The following SRBD1 variants were observed in gnomAD, a reference collection of about 807,000 sequenced individuals.
SRBD1 encodes the protein S1 RNA-binding domain-containing protein 1.
In SRBD1, 88 loss-of-function variants were observed where a neutral mutation model predicts 115.3. The ratio of observed to expected loss-of-function variants is 0.76; its 90% confidence interval spans 0.64 to 0.91. The LOEUF (loss-of-function observed/expected upper bound fraction) is 0.91. Among genes scored for constraint, SRBD1 ranks in the 40% least tolerant of loss-of-function variants. The probability of loss-of-function intolerance (pLI) is 0.00; values close to 1 mark genes in which losing one functional copy is unlikely to be tolerated. For missense variants in SRBD1, 1,385 were observed against 1,177.4 expected, an observed-to-expected ratio of 1.18 and a Z score of -2.58; for synonymous variants, 509 against 407.7, an observed-to-expected ratio of 1.25 and a Z score of -2.99.
intron 10 of SRBD1, among the ~76,000 whole-genome samples, chr2:45,555,029 C>T (rs1009456138): frequency 2.0e-5 from 3 of 151,364 alleles, no homozygotes; most frequent in African/African-American, 7.3e-5. Context: ...GATTTTATCC[C>T]CCTTACCCCA....
At chr2:45,587,960 A>T (rs1452492627) in intron 4 of SRBD1, among the ~76,000 whole-genome samples, 2 of 152,178 alleles carry the variant, frequency 1.3e-5, no homozygotes, top group Non-Finnish European at 1.5e-5. Flanking sequence ...ACTGAGTCTA[A>T]CTCTTCCAAC....
intron 16 of SRBD1, among the ~76,000 whole-genome samples, chr2:45,456,304 G>T (rs917155285): frequency 4.6e-5 from 7 of 151,816 alleles, no homozygotes; most frequent in African/African-American, 1.7e-4. Context: ...TCTGCTGACC[G>T]AGGTGAGAGA....
intron 16 of SRBD1, 53 bp downstream of exon 16, chr2:45,476,940 A>T: frequency 1.3e-6 from 2 of 1,515,470 alleles, no homozygotes; most frequent in Non-Finnish European, 1.8e-6. Context: ...AGGTTTGAGT[A>T]CTGCTCCTTG....
At chr2:45,525,388 C>T (rs1671409650) in intron 14 of SRBD1, among the ~76,000 whole-genome samples, 1 of 151,918 alleles carries the variant, frequency 6.6e-6, no homozygotes, top group African/African-American at 2.4e-5. Flanking sequence ...GCAAATCATA[C>T]ACTTGGATAA....
At chr2:45,475,286 G>T (rs1199981283) in intron 16 of SRBD1, among the ~76,000 whole-genome samples, 1 of 152,026 alleles carries the variant, frequency 6.6e-6, no homozygotes, top group East Asian at 1.9e-4. Flanking sequence ...CATTAACTTT[G>T]TCCAAGCACT....
At chr2:45,560,358 A>G (rs944884082) in intron 10 of SRBD1, among the ~76,000 whole-genome samples, 4 of 152,238 alleles carry the variant, frequency 2.6e-5, no homozygotes, top group African/African-American at 7.2e-5. Flanking sequence ...AGTATTATGA[A>G]TATTTACAGA....
At chr2:45,515,776 A>T (rs1371475035) in intron 14 of SRBD1, among the ~76,000 whole-genome samples, 1 of 152,210 alleles carries the variant, frequency 6.6e-6, no homozygotes, top group Non-Finnish European at 1.5e-5. Context: ...GCCAAGAAAG[A>T]CCTGAAAGAT....
At chr2:45,476,538 C>T (rs367625439) in intron 16 of SRBD1, among the ~76,000 whole-genome samples, 32 of 152,198 alleles carry the variant, frequency 2.1e-4, no homozygotes, top group African/African-American at 7.5e-4. Context: ...CACATACAAC[C>T]TCAAGAATTA....
At chr2:45,509,518 C>A (rs1386817812) in intron 14 of SRBD1, among the ~76,000 whole-genome samples, 1 of 145,034 alleles carries the variant, frequency 6.9e-6, no homozygotes, top group South Asian at 2.2e-4. Context: ...ATGGCGTGAA[C>A]CCAGGAGGCG....
intron 4 of SRBD1, among the ~76,000 whole-genome samples, chr2:45,591,698 G>A (rs1185672239): frequency 3.9e-5 from 6 of 152,122 alleles, no homozygotes. Flanking sequence ...TGGCAGGAGA[G>A]CCCCCCTCCC....
chr2:45,397,771 A>T (rs72616915), intron 19 of SRBD1, among the ~76,000 whole-genome samples: 1 of 152,006 alleles, frequency 6.6e-6, no homozygotes, highest in African/African-American at 2.4e-5. Context: ...TATTTTTTAA[A>T]AATGTTTTGT....
intron 14 of SRBD1, among the ~76,000 whole-genome samples, chr2:45,527,524 G>A (rs1294680795): frequency 6.6e-6 from 1 of 151,544 alleles, no homozygotes; most frequent in Admixed American, 6.6e-5. Context: ...GGTATACCAA[G>A]GGAAGAAAAC....
At chr2:45,520,273 G>A (rs1389375814) in intron 14 of SRBD1, among the ~76,000 whole-genome samples, 1 of 152,212 alleles carries the variant, frequency 6.6e-6, no homozygotes, top group Non-Finnish European at 1.5e-5. Context: ...GAGCACATAT[G>A]CTAAAGCTAT....
At chr2:45,427,592 G>C (rs752414547) in intron 16 of SRBD1, among the ~76,000 whole-genome samples, 7 of 152,050 alleles carry the variant, frequency 4.6e-5, no homozygotes, top group African/African-American at 1.4e-4. Context: ...TAAATAGAGG[G>C]ACTCCTCCCT....
intron 14 of SRBD1, among the ~76,000 whole-genome samples, chr2:45,508,415 A>G (rs1312223548): frequency 6.6e-6 from 1 of 152,188 alleles, no homozygotes; most frequent in Non-Finnish European, 1.5e-5. Flanking sequence ...ATTTCCCCTA[A>G]GTTTATTTTA....
intron 1 of SRBD1, among the ~76,000 whole-genome samples, chr2:45,606,843 C>T (rs567645639): frequency 6.6e-6 from 1 of 152,170 alleles, no homozygotes; most frequent in African/African-American, 2.4e-5. Context: ...TAGGCTCTGA[C>T]ATGTTTGGAA....
At chr2:45,475,891 G>T (rs1403261872) in intron 16 of SRBD1, among the ~76,000 whole-genome samples, 1 of 152,154 alleles carries the variant, frequency 6.6e-6, no homozygotes, top group African/African-American at 2.4e-5. Flanking sequence ...TAGAGACAGA[G>T]TTTTGTCATG....
chr2:45,499,142 C>A (rs944011577), intron 14 of SRBD1, among the ~76,000 whole-genome samples: 1 of 152,194 alleles, frequency 6.6e-6, no homozygotes, highest in East Asian at 1.9e-4. Context: ...CATTTCTCCA[C>A]ATTCTCTCCA....
At chr2:45,402,298 T>C (rs1667312710) in intron 19 of SRBD1, among the ~76,000 whole-genome samples, 1 of 152,206 alleles carries the variant, frequency 6.6e-6, no homozygotes, top group Non-Finnish European at 1.5e-5. Context: ...TTGGCTTTTG[T>C]ACAGAAGTTT....
Sources: allele counts gnomAD v4.1 joint callset (sites outside exome capture counted in the v4.1 genomes callset), GRCh38; gene constraint gnomAD v4.1.1; transcripts MANE v1.5; gene names NCBI Gene and HGNC (gene_info 2026-07-23, HGNC 2026-07-21).